Variants in NIPAL1 observed in about 807,000 individuals in gnomAD.
NIPAL1 encodes NIPA like domain containing 1.
A neutral mutation model predicts 37.7 loss-of-function variants in NIPAL1; 35 were observed. That is an observed-to-expected ratio of 0.93 (90% CI 0.71 to 1.23). The LOEUF is 1.23. NIPAL1 is among the 50% of genes most tolerant of loss of function. The pLI is 0.00. For synonymous variants in NIPAL1, 162 were observed against 183.0 expected (o/e 0.89, Z 0.93); for missense variants, 412 against 473.9 (o/e 0.87, Z 1.21).
At position 48,025,087 on chromosome 4, in the gene NIPAL1, C is replaced by A; in HGVS notation, c.66C>A (p.Val22=). ...TTCCAGGATATGTGCTGTCTCTGGT[C>A]TGTCCAAACTCCTCCCAGGCTTGGT... The part of the protein sequence containing the change: ...PCREGYVLSL[V]CPNSSQAWCE... The change falls in exon 2 of 6, where the codon GTC becomes GTA. Residue 22 remains valine (V), a synonymous_variant. Coordinates refer to ENST00000295461, the MANE Select transcript of NIPAL1 (RefSeq NM_207330.3). 1 of 1,613,956 alleles carries A rather than the reference C, an allele frequency of 6.2e-7. No individual in the cohort carries two copies. The highest frequency in any genetic ancestry group is 8.5e-7 in the Non-Finnish European group (1 of 1,179,810).
Position 48,025,222 on chromosome 4 carries a change from T to G in NIPAL1, c.201T>G (p.Ser67Arg). 6.2e-7 allele frequency: 1 copy of G among 1,614,096 alleles called. No homozygotes were observed. Among genetic ancestry groups the G allele is most frequent in the Non-Finnish European group, 8.5e-7 (1 of 1,179,990 alleles). The change falls in exon 2 of 6, where the codon AGT becomes AGG. Residue 67 changes from serine (S) to arginine (R), a missense_variant. Coordinates refer to ENST00000295461, the MANE Select transcript of NIPAL1 (RefSeq NM_207330.3). ...SISANVENKY[S>R]LYVGLVLAVS... ...CAGCAAATGTAGAAAACAAATACAG[T>G]CTTTATGTGGGCTTGGTACTGGCAG...
rs1716038805 is a variant in NIPAL1 at position 48,039,746 on chromosome 4, G to A, written c.*3574G>A. 6.6e-6 allele frequency: 1 copy of A among 152,108 alleles called. No homozygotes were observed. Among genetic ancestry groups the A allele is most frequent in the South Asian group, 2.1e-4 (1 of 4,834 alleles). The allele number at this position is 152,108 out of a possible 1,614,324, so 9.4% of individuals were successfully genotyped here. A position where few individuals can be genotyped will look rare whatever the true frequency, so the allele number is the denominator to read the frequency against. ...CATCTGGCATTATGCCTGATAATAG[G>A]CACTTAGTAAAATGTACTTTTCTTT... On this transcript the variant is annotated 3_prime_UTR_variant, in exon 6 of 6. Transcript: ENST00000295461.
chr4:48,030,105 CT>C lies in NIPAL1; in HGVS notation c.314-10del. 1 of 1,564,750 alleles carries C rather than the reference CT, an allele frequency of 6.4e-7. No individual in the cohort carries two copies. Among genetic ancestry groups the C allele is most frequent in the Non-Finnish European group, 8.8e-7 (1 of 1,136,050 alleles). On this transcript the variant is annotated splice_polypyrimidine_tract_variant and intron_variant, in intron 2 of 5. Coordinates refer to ENST00000295461, the MANE Select transcript of NIPAL1 (RefSeq NM_207330.3). ...AGAACCCATTTTTTGTTAATTTTTACTTTTTGTATTTTAGGACAAGGTGGAC... is the reference window on the plus strand; with the variant it reads ...AGAACCCATTTTTTGTTAATTTTTACTTTTGTATTTTAGGACAAGGTGGAC...
chr4:48,025,105 G>A lies in NIPAL1; in HGVS notation c.84G>A (p.Gln28=). 3 of 1,614,014 alleles carry A rather than the reference G, an allele frequency of 1.9e-6. No individual in the cohort carries two copies. The highest frequency in any genetic ancestry group is 2.5e-6 in the Non-Finnish European group (3 of 1,179,902). Residue 28 remains glutamine, a synonymous_variant, in exon 2 of 6, where the codon CAG becomes CAA. Transcript: ENST00000295461. ...CTCTGGTCTGTCCAAACTCCTCCCA[G>A]GCTTGGTGTGAGATCACAAATGTGT... ...VLSLVCPNSS[Q]AWCEITNVSQ...
chr4:48,030,210 G>A, intron 3 of NIPAL1, 34 bp downstream of exon 3: 7 of 1,260,508 alleles, frequency 5.6e-6, no homozygotes, highest in Non-Finnish European at 8.1e-6. Context: ...CTGTTTATTT[G>A]TAAGATAGTA....
intron 1 of NIPAL1, among the ~76,000 whole-genome samples, chr4:48,018,549 A>C (rs192160568): frequency 6.6e-6 from 1 of 152,232 alleles, no homozygotes; most frequent in African/African-American, 2.4e-5. Flanking sequence ...TTTCCTGTCT[A>C]TAAATTGGGG....
intron 3 of NIPAL1, 54 bp from the exon 4 acceptor site, chr4:48,032,933 GTTTTTC>G: frequency 8.5e-7 from 1 of 1,175,142 alleles, no homozygotes; most frequent in East Asian, 2.4e-5. Context: ...TGAGTCATTT[GTTTTTC>G]TCTTCTGACA....
rs1560327158 is a variant in NIPAL1 at position 48,038,676 on chromosome 4, T to G, written c.*2504T>G. 2.6e-5 allele frequency: 4 copies of G among 152,174 alleles called. No individual in the cohort carries two copies. Among genetic ancestry groups the G allele is most frequent in the Non-Finnish European group, 1.5e-5 (1 of 68,042 alleles). 9.4% of individuals were successfully genotyped at this position (152,174 alleles called of 1,614,324 possible). On this transcript the variant is annotated 3_prime_UTR_variant, in exon 6 of 6. Coordinates refer to ENST00000295461, the MANE Select transcript of NIPAL1 (RefSeq NM_207330.3). ...AATTTTAATATTTTTTCTTTTAATA[T>G]TAAGAACTTTATTGATCTCTCTAGG...
rs112334645 is a variant in NIPAL1 at position 48,031,074 on chromosome 4, GT to G, written c.370+906del. ...TTGGGGTTTTTTTGTTTTTTGTTTTGTTTTTTTTGAGATGGAGTCCTGCTCT... is the reference window on the plus strand; with the variant it reads ...TTGGGGTTTTTTTGTTTTTTGTTTTGTTTTTTTGAGATGGAGTCCTGCTCT... On this transcript the variant is annotated intron_variant, in intron 3 of 5. Transcript: ENST00000295461. Among the ~76,000 whole-genome samples, 4 of 151,396 alleles carry G rather than the reference GT, an allele frequency of 2.6e-5. No homozygotes were observed. In the South Asian group the frequency reaches 6.3e-4, roughly 24 times the overall value.
chr4:48,016,961 G>C, intron 1 of NIPAL1, 76 bp downstream of exon 1: 1 of 1,259,756 alleles, frequency 7.9e-7, no homozygotes, highest in Non-Finnish European at 1.1e-6. Flanking sequence ...CCGGACACTT[G>C]CGGAGACTGG....
At chr4:48,020,829 A>G (rs548162299) in intron 1 of NIPAL1, among the ~76,000 whole-genome samples, 128 of 152,346 alleles carry the variant, frequency 8.4e-4, no homozygotes, top group African/African-American at 2.9e-3. Flanking sequence ...AGTAGAATAG[A>G]TGGTGAGACC....
At chr4:48,019,492 T>C (rs1715523896) in intron 1 of NIPAL1, among the ~76,000 whole-genome samples, 1 of 152,194 alleles carries the variant, frequency 6.6e-6, no homozygotes, top group African/African-American at 2.4e-5. Context: ...TTCCTTTAGA[T>C]TGGGAAGGCA....
At position 48,029,604 on chromosome 4, in the gene NIPAL1, C is replaced by T. The variant is rs1361266822; in HGVS notation, c.314-516C>T. Among the ~76,000 whole-genome samples the T allele has an allele frequency of 2.6e-5, 4 of 152,128 alleles. No individual in the cohort carries two copies. The East Asian group carries it at 7.7e-4, about 29-fold the overall frequency. ...TCAGGAAAAATAAAACAAAAATGAA[C>T]TCCTGATTCATGAAAGAATAAAATG... On this transcript the variant is annotated intron_variant, in intron 2 of 5. Transcript: ENST00000295461.
Position 48,036,071 on chromosome 4 carries a change from C to G in NIPAL1, c.1132C>G (p.Leu378Val). 1 of 1,609,884 alleles carries G rather than the reference C, an allele frequency of 6.2e-7. No individual in the cohort carries two copies. The highest frequency in any genetic ancestry group is 8.5e-7 in the Non-Finnish European group (1 of 1,179,118). ...TSTAKKEAVS[L>V]NVNENNYVLL... is the part of the protein sequence containing the mutation. ...CACTGCTAAGAAAGAAGCCGTCTCT[C>G]TGAATGTCAATGAAAACAATTATGT... Residue 378 changes from leucine to valine, a missense_variant, in exon 6 of 6, where the codon CTG becomes GTG. Physicochemically the swap from Leu to Val is conservative, Grantham distance 32. Coordinates refer to ENST00000295461, the MANE Select transcript of NIPAL1 (RefSeq NM_207330.3).
intron 4 of NIPAL1, 36 bp downstream of exon 4, chr4:48,033,119 A>C (rs759818086): frequency 7.8e-7 from 1 of 1,280,234 alleles, no homozygotes; most frequent in African/African-American, 1.5e-5. Context: ...TTCTGTAGGT[A>C]TTTTAAGACC....
intron 2 of NIPAL1, among the ~76,000 whole-genome samples, chr4:48,026,762 A>G (rs11729733): frequency 0.11 from 16,870 of 151,330 alleles, 1,263 homozygotes; most frequent in South Asian, 0.27. Context: ...CCTGTCGGCC[A>G]GGCTGGAGTA....
At position 48,037,291 on chromosome 4, in the gene NIPAL1, A is replaced by G. The variant is rs552134081; in HGVS notation, c.*1119A>G. The G allele has an allele frequency of 6.9e-5, 30 of 435,200 alleles. No individual in the cohort carries two copies. The highest frequency in any genetic ancestry group is 5.3e-4 in the African/African-American group (26 of 49,162). The allele number at this position is 435,200 out of a possible 1,614,324, so 27.0% of individuals were successfully genotyped here. On this transcript the variant is annotated 3_prime_UTR_variant, in exon 6 of 6. Coordinates refer to ENST00000295461, the MANE Select transcript of NIPAL1 (RefSeq NM_207330.3). Reference sequence around the variant, plus strand: ...ATTGTTTTCACAGGTTCCATTAATTAACTCAGGTCTGGAAGACATAGGACA... The same window carrying G: ...ATTGTTTTCACAGGTTCCATTAATTGACTCAGGTCTGGAAGACATAGGACA...
intron 1 of NIPAL1, among the ~76,000 whole-genome samples, chr4:48,018,482 A>G (rs964005500): frequency 6.6e-6 from 1 of 152,202 alleles, no homozygotes; most frequent in African/African-American, 2.4e-5. Context: ...TAGTAGTGGG[A>G]AGAGATTAGG....
In NIPAL1 at chr4:48,027,214, A is replaced by G. The variant is rs939435185; in HGVS notation, c.313+1880A>G. On this transcript the variant is annotated intron_variant, in intron 2 of 5. Coordinates refer to ENST00000295461, the MANE Select transcript of NIPAL1 (RefSeq NM_207330.3). This position sits in a 1 kb window ranked among gnomAD's most constrained non-coding sequence, Gnocchi z 4.1. ...GTGACAAAGTATAGTTTCATAATAT[A>G]TAAAAAGTGACTGCAGTCAATAAGT... Among the ~76,000 whole-genome samples the G allele has an allele frequency of 6.6e-6, 1 of 152,200 alleles. No homozygotes were observed. The highest frequency in any genetic ancestry group is 2.4e-5 in the African/African-American group (1 of 41,452).
Sources: gnomAD v4.1 joint callset for allele counts (sites outside exome capture counted in the v4.1 genomes callset) on GRCh38, gnomAD v4.1.1 for gene constraint, Gnocchi (gnomAD v3.1) non-coding constraint, MANE v1.5 for transcripts, NCBI Gene and HGNC (gene_info 2026-07-23, HGNC 2026-07-21) for gene names.